Variants in RAPGEF4 observed in about 807,000 individuals in gnomAD.
RAPGEF4 encodes the protein Rap guanine nucleotide exchange factor 4.
A neutral mutation model predicts 147.9 loss-of-function variants in RAPGEF4; 66 were observed. The observed-to-expected ratio is 0.45, with a 90% CI of 0.37 to 0.55. The LOEUF is 0.55. RAPGEF4 is among the 20% of genes least tolerant of loss of function. The pLI is 0.00. For synonymous variants in RAPGEF4, 419 were observed against 442.7 expected, an observed-to-expected ratio of 0.95 and a Z score of 0.67; for missense variants, 1,071 against 1,257.3, an observed-to-expected ratio of 0.85 and a Z score of 2.24.
chr2:173,013,281 G>A (rs1260188854), intron 17 of RAPGEF4, among the ~76,000 whole-genome samples: 2 of 152,204 alleles, frequency 1.3e-5, no homozygotes, highest in Non-Finnish European at 2.9e-5. Flanking sequence ...AGCTCGCTGT[G>A]AGGAATGGGG....
intron 1 of RAPGEF4, among the ~76,000 whole-genome samples, chr2:172,779,271 C>T (rs1684462864): frequency 6.6e-6 from 1 of 152,092 alleles, no homozygotes; most frequent in African/African-American, 2.4e-5. Flanking sequence ...CTGTTACGTG[C>T]TTGGAATAAA....
At chr2:172,858,206 C>T (rs1693658456) in intron 4 of RAPGEF4, among the ~76,000 whole-genome samples, 1 of 152,150 alleles carries the variant, frequency 6.6e-6, no homozygotes, top group African/African-American at 2.4e-5. Flanking sequence ...CCCTTTTTCT[C>T]ATCTAGCCTA....
At chr2:172,830,750 C>T (rs750204596) in intron 4 of RAPGEF4, among the ~76,000 whole-genome samples, 33 of 152,114 alleles carry the variant, frequency 2.2e-4, no homozygotes, top group Non-Finnish European at 1.5e-4. Flanking sequence ...GCTATAGGCA[C>T]GTGCCACCAC....
intron 1 of RAPGEF4, among the ~76,000 whole-genome samples, chr2:172,738,287 T>G (rs900484036): frequency 6.6e-6 from 1 of 152,214 alleles, no homozygotes; most frequent in African/African-American, 2.4e-5. Flanking sequence ...CTTGATCTTC[T>G]TTTCCAGGCA....
intron 1 of RAPGEF4, among the ~76,000 whole-genome samples, chr2:172,762,084 G>C (rs2149469168): frequency 6.6e-6 from 1 of 152,262 alleles, no homozygotes. Context: ...ATCGTGCCAT[G>C]GCACTCCAGC....
At chr2:173,010,197 C>CA in intron 17 of RAPGEF4, among the ~76,000 whole-genome samples, 1 of 152,214 alleles carries the variant, frequency 6.6e-6, no homozygotes, top group East Asian at 1.9e-4. Context: ...GAAATCAACT[C>CA]AAATGTGTCA....
chr2:172,858,215 TAA>T (rs1301435177), intron 4 of RAPGEF4, among the ~76,000 whole-genome samples: 1 of 152,202 alleles, frequency 6.6e-6, no homozygotes, highest in Non-Finnish European at 1.5e-5. Context: ...TCATCTAGCC[TAA>T]GTCAGTTTGA....
chr2:172,780,318 T>C (rs1348928118), intron 1 of RAPGEF4, among the ~76,000 whole-genome samples: 13 of 152,170 alleles, frequency 8.5e-5, no homozygotes, highest in Non-Finnish European at 2.9e-5. Context: ...GGATAATACA[T>C]TTTAGACGAG....
chr2:172,895,147 A>G lies in RAPGEF4; in HGVS notation c.445-22655A>G, dbSNP rs148256315. Among the ~76,000 whole-genome samples, 239 of 151,982 alleles carry G rather than the reference A, an allele frequency of 1.6e-3. 1 individual carries two copies. Among genetic ancestry groups the G allele is most frequent in the Middle Eastern group, 6.8e-3 (2 of 294 alleles). On this transcript the variant is annotated intron_variant, in intron 4 of 30. Transcript: ENST00000397081. ...CAGCCACTTCGCTTTCATGTTTTTC[A>G]TTTATCTTTGTTTTTAATCTTTTAG...
At chr2:172,917,610 T>G in intron 4 of RAPGEF4, 192 bp from the exon 5 acceptor site, 1 of 680,500 alleles carries the variant, frequency 1.5e-6, no homozygotes, top group South Asian at 1.6e-5. Flanking sequence ...TCAGTCTTAT[T>G]CAGGAAGACC....
intron 27 of RAPGEF4, 148 bp from the exon 28 acceptor site, chr2:173,035,977 A>G (rs1270361846): frequency 3.2e-6 from 2 of 617,820 alleles, no homozygotes; most frequent in Non-Finnish European, 5.8e-6. Flanking sequence ...AAGAAAAGCC[A>G]TGTATAAGTG....
rs1693699796 is a variant in RAPGEF4 at position 172,735,945 on chromosome 2, G to C, written c.-39G>C. ...AGGCGCAGGCAGAGCGAGCGCGGGA[G>C]GTCGCCGCAGCCAGGGACACCGCGC... On this transcript the variant is annotated 5_prime_UTR_variant, in exon 1 of 31. Transcript: ENST00000397081. The C allele has an allele frequency of 6.3e-6, 9 of 1,426,608 alleles. No homozygotes were observed. Among genetic ancestry groups the C allele is most frequent in the Non-Finnish European group, 8.3e-6 (9 of 1,085,460 alleles). 88.4% of individuals were successfully genotyped at this position (1,426,608 alleles called of 1,614,324 possible). A position where few individuals can be genotyped will look rare whatever the true frequency, so the allele number is the denominator to read the frequency against.
intron 6 of RAPGEF4, among the ~76,000 whole-genome samples, chr2:172,924,394 A>G (rs1403092152): frequency 1.3e-5 from 2 of 152,222 alleles, no homozygotes; most frequent in African/African-American, 4.8e-5. Flanking sequence ...CGTCAGATAC[A>G]ATGAACTGTT....
At chr2:173,017,334 G>C in intron 20 of RAPGEF4, 92 bp from the exon 21 acceptor site, 2 of 1,486,998 alleles carry the variant, frequency 1.3e-6, no homozygotes, top group Non-Finnish European at 1.9e-6. Context: ...TTCATTTCTT[G>C]ACTCTGCTTG....
chr2:172,759,564 T>G (rs549048465), intron 1 of RAPGEF4, among the ~76,000 whole-genome samples: 5 of 152,180 alleles, frequency 3.3e-5, no homozygotes, highest in Non-Finnish European at 7.3e-5. Flanking sequence ...GCTGTGAAAC[T>G]CAGAAGTGAT....
intron 2 of RAPGEF4, among the ~76,000 whole-genome samples, chr2:172,795,729 G>C (rs1191877705): frequency 6.6e-6 from 1 of 151,876 alleles, no homozygotes; most frequent in Non-Finnish European, 1.5e-5. Flanking sequence ...ACTTATACAA[G>C]AAGAAAAAAA....
Position 173,017,430 on chromosome 2 carries a change from A to G in RAPGEF4, c.1934A>G (p.Lys645Arg), listed in dbSNP as rs777061245. ...EDAKAPQKKH[K>R]VLLQQFNTGD... is the part of the protein sequence containing the mutation. Reference sequence around the variant, plus strand: ...TTGCTGTGGTTGTTTTTACAGCACAAGGTTCTTTTGCAACAGTTCAATACG... The same window carrying G: ...TTGCTGTGGTTGTTTTTACAGCACAGGGTTCTTTTGCAACAGTTCAATACG... The change falls in exon 21 of 31, where the codon AAG becomes AGG. Residue 645 changes from lysine to arginine, a missense_variant. Coordinates refer to ENST00000397081, the MANE Select transcript of RAPGEF4 (RefSeq NM_007023.4). 22 of 1,614,104 alleles carry G rather than the reference A, an allele frequency of 1.4e-5. 1 individual carries two copies. The South Asian group carries it at 2.4e-4, about 18-fold the overall frequency.
intron 3 of RAPGEF4, among the ~76,000 whole-genome samples, chr2:172,799,288 C>A (rs886289185): frequency 6.6e-6 from 1 of 152,032 alleles, no homozygotes; most frequent in African/African-American, 2.4e-5. Context: ...ACGAAGTCCC[C>A]GAGTGGTTAA....
intron 14 of RAPGEF4, among the ~76,000 whole-genome samples, chr2:172,990,073 A>G (rs1692678627): frequency 6.6e-6 from 1 of 151,898 alleles, no homozygotes; most frequent in African/African-American, 2.4e-5. Context: ...TGAATGATAT[A>G]TTAAAAAAAT....
Sources: gnomAD v4.1 joint callset for allele counts (sites outside exome capture counted in the v4.1 genomes callset) on GRCh38, gnomAD v4.1.1 for gene constraint, MANE v1.5 for transcripts, NCBI Gene and HGNC (gene_info 2026-07-23, HGNC 2026-07-21) for gene names.